The following RASEF variants were observed in gnomAD, a reference collection of about 807,000 sequenced individuals.
The protein encoded by RASEF is RAS and EF-hand domain containing.
RASEF carries 68 observed loss-of-function variants against 90.1 expected under a neutral mutation model. That is an observed-to-expected ratio of 0.75 (90% CI 0.62 to 0.92). The LOEUF is 0.92. Ranked by LOEUF, RASEF falls within the 40% of genes least tolerant of loss-of-function variation. RASEF has a pLI of 0.00. For synonymous variants in RASEF, 331 were observed against 345.2 expected, an observed-to-expected ratio of 0.96 and a Z score of 0.46; for missense variants, 949 against 937.2, an observed-to-expected ratio of 1.01 and a Z score of -0.16.
At chr9:83,011,680 T>C (rs1829249782) in intron 5 of RASEF, among the ~76,000 whole-genome samples, 1 of 149,844 alleles carries the variant, frequency 6.7e-6, no homozygotes, top group African/African-American at 2.5e-5. Context: ...AGTGATATCA[T>C]GAAAATGGTA....
the RASEF span, among the ~76,000 whole-genome samples, chr9:83,169,657 A>C: frequency 6.6e-6 from 1 of 152,060 alleles, no homozygotes; most frequent in Admixed American, 6.6e-5. Context: ...GGAAGATGAT[A>C]TCTCACTGTG....
chr9:83,128,476 T>G, the RASEF span, among the ~76,000 whole-genome samples: 1 of 151,520 alleles, frequency 6.6e-6, no homozygotes, highest in African/African-American at 2.4e-5. Flanking sequence ...TTTTTTTTTT[T>G]TTTGCATACT....
At chr9:83,009,124 G>T (rs1303538916) in intron 6 of RASEF, among the ~76,000 whole-genome samples, 4 of 151,308 alleles carry the variant, frequency 2.6e-5, no homozygotes, top group Non-Finnish European at 5.9e-5. Flanking sequence ...ACATGTCCTA[G>T]GGGATACACA....
At chr9:83,059,780 C>T (rs1000914965) in intron 1 of RASEF, among the ~76,000 whole-genome samples, 2 of 152,276 alleles carry the variant, frequency 1.3e-5, no homozygotes, top group Non-Finnish European at 2.9e-5. Flanking sequence ...CCTGACCTTG[C>T]AGACCCTTCA....
the RASEF span, among the ~76,000 whole-genome samples, chr9:83,146,455 G>A: frequency 1.3e-5 from 2 of 152,122 alleles, no homozygotes; most frequent in Non-Finnish European, 2.9e-5. Flanking sequence ...ATTTTGTAGA[G>A]TAGAATTGCT....
chr9:83,013,031 G>C (rs1829276525), intron 4 of RASEF, among the ~76,000 whole-genome samples: 1 of 152,140 alleles, frequency 6.6e-6, no homozygotes, highest in Non-Finnish European at 1.5e-5. Flanking sequence ...GAGTATAACA[G>C]GAAGCTAGAG....
chr9:83,158,644 ATG>A, the RASEF span, among the ~76,000 whole-genome samples: 5 of 147,968 alleles, frequency 3.4e-5, no homozygotes, highest in Admixed American at 1.4e-4. Flanking sequence ...ATATGTATAT[ATG>A]TCCAAATATA....
chr9:83,170,429 T>C, the RASEF span, among the ~76,000 whole-genome samples: 1 of 151,874 alleles, frequency 6.6e-6, no homozygotes, highest in Non-Finnish European at 1.5e-5. Flanking sequence ...AAATACAAAC[T>C]TCAGATTTAA....
At chr9:83,149,036 C>T in the RASEF span, among the ~76,000 whole-genome samples, 1 of 152,222 alleles carries the variant, frequency 6.6e-6, no homozygotes, top group Non-Finnish European at 1.5e-5. Flanking sequence ...ACAGCAACCA[C>T]CCCATCATCT....
chr9:83,055,493 A>C (rs1280517460), intron 1 of RASEF: 1 of 682,006 alleles, frequency 1.5e-6, no homozygotes, highest in East Asian at 2.8e-5. Context: ...AAATGCAGAA[A>C]TCACCCGTCT....
At chr9:83,195,790 A>G in the RASEF span, among the ~76,000 whole-genome samples, 1 of 152,072 alleles carries the variant, frequency 6.6e-6, no homozygotes, top group Non-Finnish European at 1.5e-5. Flanking sequence ...ACTCTGAGGG[A>G]CACTGGAAGC....
chr9:82,983,108 CA>C (rs2118346861), intron 16 of RASEF, among the ~76,000 whole-genome samples: 2 of 4,126 alleles, frequency 4.8e-4, no homozygotes, highest in South Asian at 6.8e-3. Context: ...AGTACCAGGC[CA>C]CACACACACA....
At chr9:83,091,714 C>T in the RASEF span, among the ~76,000 whole-genome samples, 3 of 152,146 alleles carry the variant, frequency 2.0e-5, no homozygotes, top group Admixed American at 2.0e-4. Flanking sequence ...AACAAACAAT[C>T]CCTGGGAAGA....
At chr9:83,155,418 G>A in the RASEF span, among the ~76,000 whole-genome samples, 1 of 152,142 alleles carries the variant, frequency 6.6e-6, no homozygotes, top group South Asian at 2.1e-4. Flanking sequence ...TGCCTTACAT[G>A]GCAGCAGACA....
chr9:83,093,803 G>A, the RASEF span, among the ~76,000 whole-genome samples: 1 of 152,250 alleles, frequency 6.6e-6, no homozygotes, highest in African/African-American at 2.4e-5. Context: ...CAAAGTGGGA[G>A]CCCAGGCAGA....
upstream of RASEF, among the ~76,000 whole-genome samples, chr9:83,063,921 CTCAG>C (rs1830258631): frequency 6.6e-6 from 1 of 152,176 alleles, no homozygotes; most frequent in South Asian, 2.1e-4. Flanking sequence ...CCAGGAGACC[CTCAG>C]TCTGTCATAC....
chr9:83,153,991 G>A, the RASEF span, among the ~76,000 whole-genome samples: 57 of 152,292 alleles, frequency 3.7e-4, no homozygotes, highest in South Asian at 9.8e-3. Context: ...AGCGTATAGC[G>A]TCTCAACATC....
the RASEF span, among the ~76,000 whole-genome samples, chr9:83,093,415 C>G: frequency 6.6e-6 from 1 of 152,166 alleles, no homozygotes; most frequent in Non-Finnish European, 1.5e-5. Flanking sequence ...TCAGGCATGG[C>G]GGGCTGCAGG....
At chr9:83,088,281 A>G in the RASEF span, among the ~76,000 whole-genome samples, 1 of 152,030 alleles carries the variant, frequency 6.6e-6, no homozygotes, top group African/African-American at 2.4e-5. Flanking sequence ...ATATAAATAT[A>G]GACATAGGTA....
Sources: gnomAD v4.1 joint callset for allele counts (sites outside exome capture counted in the v4.1 genomes callset) on GRCh38, gnomAD v4.1.1 for gene constraint, MANE v1.5 for transcripts, NCBI Gene and HGNC (gene_info 2026-07-23, HGNC 2026-07-21) for gene names.